SERINC5: variants seen among roughly 807,000 people sequenced by gnomAD.
The protein encoded by SERINC5 is serine incorporator 5, also known as chromosome 5 open reading frame 12.
A neutral mutation model predicts 63.1 loss-of-function variants in SERINC5; 41 were observed. That is an observed-to-expected ratio of 0.65 (90% CI 0.51 to 0.84). The LOEUF is 0.84. Ranked by LOEUF, SERINC5 falls within the 40% of genes least tolerant of loss-of-function variation. The pLI is 0.00. For missense variants in SERINC5, 523 were observed against 573.0 expected (o/e 0.91, Z 0.89); for synonymous variants, 222 against 215.2 (o/e 1.03, Z -0.28).
intron 1 of SERINC5, among the ~76,000 whole-genome samples, chr5:80,245,043 T>G (rs1048769450): frequency 3.9e-5 from 6 of 152,148 alleles, no homozygotes. Context: ...GCCAGTTGGC[T>G]CCACACCTCT....
At chr5:80,171,621 A>G (rs1747662051) in intron 5 of SERINC5, among the ~76,000 whole-genome samples, 1 of 152,242 alleles carries the variant, frequency 6.6e-6, no homozygotes, top group East Asian at 1.9e-4. Context: ...ATATTACAAA[A>G]CAGCTAGAGG....
chr5:80,234,970 C>G (rs1751618712), intron 1 of SERINC5, among the ~76,000 whole-genome samples: 1 of 152,148 alleles, frequency 6.6e-6, no homozygotes, highest in Non-Finnish European at 1.5e-5. Flanking sequence ...ATCCTAACCA[C>G]TTTTAAGTGT....
At chr5:80,255,443 C>A (rs1044149156) in intron 1 of SERINC5, among the ~76,000 whole-genome samples, 1 of 152,154 alleles carries the variant, frequency 6.6e-6, no homozygotes, top group East Asian at 1.9e-4. Flanking sequence ...CAAGCGCAAC[C>A]TGCCTGGGTT....
At chr5:80,192,941 T>G (rs1749283692) in intron 2 of SERINC5, among the ~76,000 whole-genome samples, 1 of 152,192 alleles carries the variant, frequency 6.6e-6, no homozygotes, top group South Asian at 2.1e-4. Context: ...TCACATATTT[T>G]TAGCTTTCAG....
At chr5:80,145,046 T>TA (rs1333843299) in intron 11 of SERINC5, among the ~76,000 whole-genome samples, 1,616 of 149,112 alleles carry the variant, frequency 0.011, 27 homozygotes, top group African/African-American at 0.033. Context: ...ACATTTATGT[T>TA]AAAAAAAAAA....
At chr5:80,192,278 C>A (rs2112462619) in intron 2 of SERINC5, among the ~76,000 whole-genome samples, 1 of 152,302 alleles carries the variant, frequency 6.6e-6, no homozygotes, top group South Asian at 2.1e-4. Context: ...ACTTACTCTA[C>A]AAATCAAGAG....
chr5:80,212,665 T>TCG (rs1554069053), intron 1 of SERINC5, among the ~76,000 whole-genome samples: 48 of 50,242 alleles, frequency 9.6e-4, no homozygotes, highest in African/African-American at 3.4e-3. Context: ...AGTGGTGGGG[T>TCG]GGGGGGGGGG....
chr5:80,166,586 C>A, intron 6 of SERINC5, 108 bp from the exon 7 acceptor site: 3 of 659,884 alleles, frequency 4.5e-6, no homozygotes, highest in South Asian at 1.8e-5. Flanking sequence ...TGAGCATCCA[C>A]CTTTAAAGGA....
intron 1 of SERINC5, among the ~76,000 whole-genome samples, chr5:80,251,625 G>A (rs556575820): frequency 1.3e-5 from 2 of 151,824 alleles, no homozygotes; most frequent in African/African-American, 4.8e-5. Context: ...AGCTATTCAG[G>A]AGGCTGAGGC....
At chr5:80,160,123 C>T (rs1443562396) in intron 7 of SERINC5, among the ~76,000 whole-genome samples, 4 of 152,084 alleles carry the variant, frequency 2.6e-5, no homozygotes, top group African/African-American at 9.7e-5. Context: ...ATTGAGCCTT[C>T]GACCTGTGGG....
chr5:80,198,694 C>T (rs1302716496), intron 2 of SERINC5: 28 of 985,254 alleles, frequency 2.8e-5, no homozygotes, highest in Admixed American at 1.2e-4. Flanking sequence ...AACACCCGCC[C>T]GCAAGCACCC....
At chr5:80,201,023 T>C (rs1749804774) in intron 2 of SERINC5, among the ~76,000 whole-genome samples, 2 of 151,970 alleles carry the variant, frequency 1.3e-5, no homozygotes, top group African/African-American at 4.8e-5. Flanking sequence ...TGCTTGAACC[T>C]GGGAGGCGGA....
chr5:80,228,305 GA>G (rs1224631161), intron 1 of SERINC5, among the ~76,000 whole-genome samples: 3 of 111,050 alleles, frequency 2.7e-5, no homozygotes, highest in African/African-American at 1.0e-4. Context: ...GGGAGGGAGG[GA>G]GGGGGAGAGG....
chr5:80,218,914 A>G (rs4704638), intron 1 of SERINC5, among the ~76,000 whole-genome samples: 99,964 of 151,928 alleles, frequency 0.66, 33,232 homozygotes, highest in African/African-American at 0.72. Flanking sequence ...TTCTCTTTCA[A>G]GGTGGTTAGT....
chr5:80,256,006 G>A lies in SERINC5; in HGVS notation c.-84C>T. On this transcript the variant is annotated 5_prime_UTR_variant, in exon 1 of 12. Coordinates refer to ENST00000507668, the MANE Select transcript of SERINC5 (RefSeq NM_001174072.3). ...GGCTGCCTCGCGCCTCGAGCGCTGG[G>A]CTCAGCCGCAGCTCACACTTGAACG... is the stretch of plus-strand genomic sequence containing the variant. 1 of 1,339,432 alleles carries A rather than the reference G, an allele frequency of 7.5e-7. No individual in the cohort carries two copies. 83.0% of individuals were successfully genotyped at this position (1,339,432 alleles called of 1,614,324 possible).
At chr5:80,250,578 A>G (rs1752366032) in intron 1 of SERINC5, among the ~76,000 whole-genome samples, 3 of 152,126 alleles carry the variant, frequency 2.0e-5, no homozygotes, top group African/African-American at 7.2e-5. Context: ...CGCCCACCTG[A>G]GCCTCCCAAA....
chr5:80,210,099 T>C (rs1255947859), intron 1 of SERINC5, among the ~76,000 whole-genome samples: 1 of 152,090 alleles, frequency 6.6e-6, no homozygotes, highest in Non-Finnish European at 1.5e-5. Context: ...GATAGTGATA[T>C]AAAAGCATTT....
chr5:80,212,669 G>T (rs948030758), intron 1 of SERINC5, among the ~76,000 whole-genome samples: 1 of 139,552 alleles, frequency 7.2e-6, no homozygotes, highest in African/African-American at 2.6e-5. Flanking sequence ...GTGGGGTGGG[G>T]GGGGGGTGTT....
intron 1 of SERINC5, among the ~76,000 whole-genome samples, chr5:80,213,891 A>G (rs1386667541): frequency 6.6e-6 from 1 of 152,206 alleles, no homozygotes; most frequent in Non-Finnish European, 1.5e-5. Flanking sequence ...GTGCTTTGTC[A>G]ATTCCTGGGA....
Sources: allele counts gnomAD v4.1 joint callset (sites outside exome capture counted in the v4.1 genomes callset), GRCh38; gene constraint gnomAD v4.1.1; transcripts MANE v1.5; gene names NCBI Gene and HGNC (gene_info 2026-07-23, HGNC 2026-07-21).